BLNK: variants seen among roughly 807,000 people sequenced by gnomAD.
BLNK encodes the protein B cell linker, also known as B-cell linker protein.
BLNK carries 29 observed loss-of-function variants against 73.5 expected under a neutral mutation model. The observed-to-expected ratio is 0.39, with a 90% CI of 0.29 to 0.54. The LOEUF is 0.54. Ranked by LOEUF, BLNK falls within the 20% of genes least tolerant of loss-of-function variation. The pLI is 0.61. For synonymous variants in BLNK, 176 were observed against 200.8 expected (o/e 0.88, Z 1.04); for missense variants, 460 against 562.8 (o/e 0.82, Z 1.85).
At chr10:96,193,606 C>T (rs1417248853) in intron 16 of BLNK, among the ~76,000 whole-genome samples, 1 of 152,126 alleles carries the variant, frequency 6.6e-6, no homozygotes, top group African/African-American at 2.4e-5. Context: ...GTTACAGCTT[C>T]CCCTCACTCT....
chr10:96,221,802 C>T (rs1379171993), intron 6 of BLNK, among the ~76,000 whole-genome samples: 1 of 152,192 alleles, frequency 6.6e-6, no homozygotes, highest in African/African-American at 2.4e-5. Flanking sequence ...CCACCCTATT[C>T]CCACCCTTGA....
In BLNK at chr10:96,200,191, T is replaced by C. The variant is rs782682619; in HGVS notation, c.1012-33A>G. The C allele has an allele frequency of 2.5e-6, 4 of 1,581,596 alleles. No homozygotes were observed. Among genetic ancestry groups the C allele is most frequent in the Non-Finnish European group, 3.5e-6 (4 of 1,150,980 alleles). On this transcript the variant is annotated intron_variant, in intron 14 of 16. Coordinates refer to ENST00000224337, the MANE Select transcript of BLNK (RefSeq NM_013314.4). This position sits in a 1 kb window ranked among gnomAD's most constrained non-coding sequence, Gnocchi z 4.3. ...ATGGAGGGCACTGGTCAGCATGGGATGGTCCCTACTTAACTCTAATTTCTG... is the reference window on the plus strand; with the variant it reads ...ATGGAGGGCACTGGTCAGCATGGGACGGTCCCTACTTAACTCTAATTTCTG...
chr10:96,246,488 G>A (rs1462576197), intron 2 of BLNK, among the ~76,000 whole-genome samples: 2 of 152,176 alleles, frequency 1.3e-5, no homozygotes, highest in African/African-American at 4.8e-5. Flanking sequence ...GGAGGCAGAG[G>A]TTGCGGTGAG....
At chr10:96,206,727 C>T (rs782763605) in intron 11 of BLNK, among the ~76,000 whole-genome samples, 32 of 152,148 alleles carry the variant, frequency 2.1e-4, no homozygotes, top group Non-Finnish European at 4.1e-4. Context: ...AATGGCTCTA[C>T]GTTAGTTTTC....
At chr10:96,253,893 C>A (rs1009142778) in intron 1 of BLNK, among the ~76,000 whole-genome samples, 1 of 151,782 alleles carries the variant, frequency 6.6e-6, no homozygotes, top group Non-Finnish European at 1.5e-5. Context: ...TGGTGGCGGG[C>A]GCCTGTAGTC....
chr10:96,246,927 T>G (rs575262645), intron 2 of BLNK, 57 bp downstream of exon 2: 1 of 1,329,796 alleles, frequency 7.5e-7, no homozygotes, highest in African/African-American at 1.5e-5. Flanking sequence ...TTTTCTTCCA[T>G]GTAGCACATG....
chr10:96,222,127 C>T (rs1554901271), intron 6 of BLNK, among the ~76,000 whole-genome samples: 1 of 152,200 alleles, frequency 6.6e-6, no homozygotes, highest in Non-Finnish European at 1.5e-5. Flanking sequence ...TAGTGCTGTA[C>T]ATATGTTCTT....
chr10:96,237,488 A>G (rs1289420963), intron 3 of BLNK, among the ~76,000 whole-genome samples: 1 of 152,176 alleles, frequency 6.6e-6, no homozygotes, highest in African/African-American at 2.4e-5. Context: ...CCTGGACATC[A>G]GAGCCCAAGA....
At chr10:96,196,854 G>T (rs587693697) in intron 16 of BLNK, 54 bp downstream of exon 16, 1 of 1,545,294 alleles carries the variant, frequency 6.5e-7, no homozygotes. Context: ...AGTATTTGAT[G>T]TCATTATACT....
chr10:96,191,082 G>A lies in BLNK; in HGVS notation c.*891C>T, dbSNP rs1390329976. On this transcript the variant is annotated 3_prime_UTR_variant, in exon 17 of 17. Coordinates refer to ENST00000224337, the MANE Select transcript of BLNK (RefSeq NM_013314.4). The stretch of plus-strand genomic sequence containing the variant: ...CCCATGTTGTTGTGATAGTGAGTAA[G>A]TCTCATGAGATCTGATGGTTTTATA... Among the ~76,000 whole-genome samples the A allele has an allele frequency of 1.3e-5, 2 of 152,096 alleles. No individual in the cohort carries two copies. The highest frequency in any genetic ancestry group is 4.8e-5 in the African/African-American group (2 of 41,418).
intron 1 of BLNK, among the ~76,000 whole-genome samples, chr10:96,249,363 G>A (rs1843182187): frequency 6.6e-6 from 1 of 152,258 alleles, no homozygotes; most frequent in Admixed American, 6.5e-5. Flanking sequence ...CAGTGGAGCA[G>A]TTTAGAGGGT....
intron 4 of BLNK, among the ~76,000 whole-genome samples, chr10:96,227,873 A>G (rs1842337974): frequency 6.6e-6 from 1 of 152,190 alleles, no homozygotes; most frequent in Non-Finnish European, 1.5e-5. Context: ...ACATATTTTT[A>G]AAAGATAGGA....
At position 96,200,098 on chromosome 10, in the gene BLNK, C is replaced by T; in HGVS notation, c.1072G>A (p.Glu358Lys). The change falls in exon 15 of 17, where the codon GAG becomes AAG. Residue 358 changes from glutamate (E) to lysine (K), a missense_variant. Glu to Lys is a moderately conservative substitution (Grantham distance 56, BLOSUM62 1). Transcript: ENST00000224337. The surrounding 1 kb of genome is among the most constrained non-coding windows in gnomAD (Gnocchi z 4.3). ...ACCTTGTTTGATCTGTGCAATGCCT[C>T]TTCAGCAGACTTTCGATCACAGGCT... ...AGACDRKSAE[E>K]ALHRSNKDGS... is the part of the protein sequence containing the mutation. 6.2e-7 allele frequency: 1 copy of T among 1,613,966 alleles called. No homozygotes were observed. The highest frequency in any genetic ancestry group is 8.5e-7 in the Non-Finnish European group (1 of 1,179,924).
At chr10:96,234,484 A>G (rs1842627857) in intron 3 of BLNK, among the ~76,000 whole-genome samples, 1 of 152,208 alleles carries the variant, frequency 6.6e-6, no homozygotes, top group Admixed American at 6.5e-5. Flanking sequence ...GTTTAGAGCC[A>G]GGCTTTCTAG....
chr10:96,249,571 G>A (rs1290975168), intron 1 of BLNK, among the ~76,000 whole-genome samples: 3 of 152,240 alleles, frequency 2.0e-5, no homozygotes, highest in Non-Finnish European at 4.4e-5. Context: ...TTGCTCAAAC[G>A]TAAAATGGGA....
chr10:96,196,120 G>A (rs2083459025), intron 16 of BLNK, among the ~76,000 whole-genome samples: 1 of 152,212 alleles, frequency 6.6e-6, no homozygotes, highest in Admixed American at 6.5e-5. Flanking sequence ...AATCTTGAAA[G>A]TAAATATTTC....
chr10:96,194,485 C>A (rs1278443705), intron 16 of BLNK, among the ~76,000 whole-genome samples: 4 of 151,792 alleles, frequency 2.6e-5, no homozygotes, highest in Non-Finnish European at 4.4e-5. Flanking sequence ...GCAAAAAAAG[C>A]AAAAATAGAG....
rs1339487245 is a variant in BLNK at position 96,190,440 on chromosome 10, A to G, written c.*1533T>C. Among the ~76,000 whole-genome samples, 3 of 152,188 alleles carry G rather than the reference A, an allele frequency of 2.0e-5. No homozygotes were observed. The highest frequency in any genetic ancestry group is 3.8e-4 in the East Asian group (2 of 5,196). ...CTACTGACCTCATCTTACCTTGACT[A>G]TATCTGTAAAGACCTCATTCCCAAA... On this transcript the variant is annotated 3_prime_UTR_variant, in exon 17 of 17. Transcript: ENST00000224337.
intron 1 of BLNK, among the ~76,000 whole-genome samples, chr10:96,248,747 A>C (rs1260131354): frequency 6.6e-6 from 1 of 152,206 alleles, no homozygotes; most frequent in Non-Finnish European, 1.5e-5. Context: ...ATTAAAAGGG[A>C]ACTAGTTAAA....
Sources: gnomAD v4.1 joint callset for allele counts (sites outside exome capture counted in the v4.1 genomes callset) on GRCh38, gnomAD v4.1.1 for gene constraint, Gnocchi (gnomAD v3.1) non-coding constraint, MANE v1.5 for transcripts, NCBI Gene and HGNC (gene_info 2026-07-23, HGNC 2026-07-21) for gene names.